The following F5 variants were observed in gnomAD, a reference collection of about 807,000 sequenced individuals.
The protein encoded by F5 is activated protein c cofactor.
Under a neutral mutation model 216.4 loss-of-function variants are expected in F5, and 138 were observed. That is an observed-to-expected ratio of 0.64 (90% CI 0.56 to 0.73). F5 has a LOEUF of 0.73. Ranked by LOEUF, F5 falls within the 30% of genes least tolerant of loss-of-function variation. The pLI is 0.00. For synonymous variants in F5, 916 were observed against 930.7 expected, an observed-to-expected ratio of 0.98 and a Z score of 0.29; for missense variants, 2,403 against 2,674.0, an observed-to-expected ratio of 0.90 and a Z score of 2.24.
chr1:169,585,412 G>A (rs1661082381), intron 1 of F5, among the ~76,000 whole-genome samples: 1 of 152,104 alleles, frequency 6.6e-6, no homozygotes, highest in Admixed American at 6.6e-5. Context: ...CACACTAGCA[G>A]GTTTACCATT....
intron 24 of F5, among the ~76,000 whole-genome samples, 184 bp from the exon 25 acceptor site, chr1:169,514,643 G>T: frequency 6.6e-6 from 1 of 151,948 alleles, no homozygotes; most frequent in East Asian, 1.9e-4. Context: ...CCAAAGTGCT[G>T]GCATTGCAGA....
At chr1:169,560,290 T>C (rs1557926013) in intron 4 of F5, among the ~76,000 whole-genome samples, 3 of 152,070 alleles carry the variant, frequency 2.0e-5, no homozygotes, top group Admixed American at 1.3e-4. Flanking sequence ...AAGCATGACA[T>C]CAGAACATAC....
At chr1:169,552,352 C>T (rs1312572771) in intron 8 of F5, among the ~76,000 whole-genome samples, 2 of 152,132 alleles carry the variant, frequency 1.3e-5, no homozygotes, top group African/African-American at 4.8e-5. Flanking sequence ...TTGTTTTATG[C>T]CTTTATAACT....
chr1:169,573,670 T>C (rs1660779923), intron 2 of F5, among the ~76,000 whole-genome samples: 1 of 152,210 alleles, frequency 6.6e-6, no homozygotes, highest in African/African-American at 2.4e-5. Context: ...GAATGAGGTT[T>C]TACTTTCTAC....
chr1:169,582,321 A>C (rs74766477), intron 2 of F5, 110 bp downstream of exon 2: 3 of 612,166 alleles, frequency 4.9e-6, no homozygotes, highest in East Asian at 3.0e-5. Flanking sequence ...TAAAAAAAAA[A>C]CCACACGTTT....
At chr1:169,555,546 A>G (rs1288485999) in intron 6 of F5, among the ~76,000 whole-genome samples, 199 bp from the exon 7 acceptor site, 1 of 150,694 alleles carries the variant, frequency 6.6e-6, no homozygotes, top group Non-Finnish European at 1.5e-5. Context: ...TAAAAGGGGG[A>G]AAAGGAGGAG....
rs1456196970 is a variant in F5 at position 169,544,650 on chromosome 1, CAT to C, written c.1763-144_1763-143del. ...CCAAGATAAGCTTTATCTAGTCTAA[CAT>C]GTGACTAGAAGATCAAACTCAGAAT... On this transcript the variant is annotated intron_variant, in intron 11 of 24. Transcript: ENST00000367797. 4.2e-6 allele frequency: 3 copies of C among 718,158 alleles called. No homozygotes were observed. In the East Asian group the frequency reaches 8.1e-5, roughly 19 times the overall value. 44.5% of individuals were successfully genotyped at this position (718,158 alleles called of 1,614,324 possible). A position where few individuals can be genotyped will look rare whatever the true frequency, so the allele number is the denominator to read the frequency against.
rs1387304344 is a variant in F5 at position 169,540,161 on chromosome 1, A to G, written c.4796+133T>C. On this transcript the variant is annotated intron_variant, in intron 13 of 24. Transcript: ENST00000367797. ...TTGGAATTGACAAAGGAAAAAGAACAGGCCAACTTGCAATAGGGGAACCAC... is the reference window on the plus strand; with the variant it reads ...TTGGAATTGACAAAGGAAAAAGAACGGGCCAACTTGCAATAGGGGAACCAC... The G allele has an allele frequency of 9.9e-6, 9 of 906,946 alleles. No homozygotes were observed. The Admixed American group carries it at 2.1e-4, about 22-fold the overall frequency. The allele number at this position is 906,946 out of a possible 1,614,324, so 56.2% of individuals were successfully genotyped here.
At chr1:169,525,658 A>G (rs1430721585) in intron 18 of F5, among the ~76,000 whole-genome samples, 2 of 152,326 alleles carry the variant, frequency 1.3e-5, no homozygotes, top group East Asian at 3.9e-4. Flanking sequence ...TTGTCCATGG[A>G]TCACAAGTCA....
intron 3 of F5, among the ~76,000 whole-genome samples, chr1:169,563,302 T>C (rs1407976756): frequency 6.6e-6 from 1 of 152,112 alleles, no homozygotes; most frequent in Non-Finnish European, 1.5e-5. Flanking sequence ...TGGCTTGGTG[T>C]GGTTTTCTTC....
In F5 at chr1:169,520,605, A is replaced by G; in HGVS notation, c.6108T>C (p.Ile2036=). The G allele has an allele frequency of 6.2e-7, 1 of 1,613,958 alleles. No homozygotes were observed. Among genetic ancestry groups the G allele is most frequent in the Admixed American group, 1.7e-5 (1 of 60,018 alleles). ...GAGAGATCCTAATATATCTAGCCAC[A>G]ATAGGTGGGTCAAACTGATTCTCTT... ...TIKENQFDPP[I]VARYIRISPT... Residue 2036 remains isoleucine (I), a synonymous_variant, in exon 22 of 25, where the codon ATT becomes ATC. Transcript: ENST00000367797.
At chr1:169,565,408 AC>A (rs1456209329) in intron 3 of F5, among the ~76,000 whole-genome samples, 1 of 152,078 alleles carries the variant, frequency 6.6e-6, no homozygotes, top group African/African-American at 2.4e-5. Context: ...TTCCATAGGT[AC>A]CTAGAGAAGC....
chr1:169,557,811 A>C (rs1401212477), intron 5 of F5, among the ~76,000 whole-genome samples: 1 of 152,076 alleles, frequency 6.6e-6, no homozygotes. Flanking sequence ...CTTTGGTGGA[A>C]GCGTTTATCC....
In F5 at chr1:169,549,850, C is replaced by T; in HGVS notation, c.1562G>A (p.Gly521Glu). 1 of 1,614,070 alleles carries T rather than the reference C, an allele frequency of 6.2e-7. No individual in the cohort carries two copies. The highest frequency in any genetic ancestry group is 8.5e-7 in the Non-Finnish European group (1 of 1,179,984). ...TCTGCTCTTACAGATTAGAAGTAGTCCTATTAGCCCAGAGGCGATGTCTCT... is the reference window on the plus strand; with the variant it reads ...TCTGCTCTTACAGATTAGAAGTAGTTCTATTAGCCCAGAGGCGATGTCTCT... ...IMRDIASGLI[G>E]LLLICKSRSL... Residue 521 changes from glycine to glutamate, a missense_variant, in exon 10 of 25, where the codon GGA (glycine) becomes GAA (glutamate). By Grantham distance (98) the Gly-to-Glu change is moderately conservative (BLOSUM62 -2). Around this residue, in one of 4 missense-constraint regions of F5, gnomAD observed 1,425 missense variants for 1,554.8 expected, o/e 0.92. Coordinates refer to ENST00000367797, the MANE Select transcript of F5 (RefSeq NM_000130.5).
At chr1:169,575,918 T>A (rs1553224316) in intron 2 of F5, among the ~76,000 whole-genome samples, 2 of 152,140 alleles carry the variant, frequency 1.3e-5, no homozygotes, top group Non-Finnish European at 2.9e-5. Context: ...GAGATTCTTC[T>A]GGGCTGTCCA....
At chr1:169,538,911 T>C (rs1226538177) in intron 13 of F5, among the ~76,000 whole-genome samples, 2 of 152,162 alleles carry the variant, frequency 1.3e-5, no homozygotes, top group South Asian at 2.1e-4. Flanking sequence ...TATAGTATTA[T>C]AGATTTGCAA....
Position 169,543,116 on chromosome 1 carries a change from TACAGAAGAGAGACAG to T in F5, c.1976-17_1976-3del. Reference sequence around the variant, plus strand: ...TCATGGAAGTTAACATCCAAGTTCCTACAGAAGAGAGACAGACAGAAGAGAGATCTGGAAGTCTGG... The same window carrying T: ...TCATGGAAGTTAACATCCAAGTTCCTACAGAAGAGAGATCTGGAAGTCTGG... On this transcript the variant is annotated splice_region_variant and splice_polypyrimidine_tract_variant and intron_variant, in intron 12 of 24. Transcript: ENST00000367797. 6.2e-7 allele frequency: 1 copy of T among 1,612,652 alleles called. No homozygotes were observed. Among genetic ancestry groups the T allele is most frequent in the Non-Finnish European group, 8.5e-7 (1 of 1,179,420 alleles).
intron 2 of F5, among the ~76,000 whole-genome samples, chr1:169,579,148 A>C (rs1660932193): frequency 6.8e-6 from 1 of 147,630 alleles, no homozygotes; most frequent in African/African-American, 2.5e-5. Flanking sequence ...CCTTCCATTC[A>C]CTCCTCAACA....
intron 16 of F5, 81 bp downstream of exon 16, chr1:169,529,527 C>A: frequency 7.7e-7 from 1 of 1,304,068 alleles, no homozygotes; most frequent in South Asian, 1.2e-5. Flanking sequence ...CATGTCTAAT[C>A]TTGTGAATAT....
Sources: allele counts gnomAD v4.1 joint callset (sites outside exome capture counted in the v4.1 genomes callset), GRCh38; gene constraint gnomAD v4.1.1; regional missense constraint gnomAD v4.1.1; transcripts MANE v1.5; gene names NCBI Gene and HGNC (gene_info 2026-07-23, HGNC 2026-07-21).